FGD5: variants seen among roughly 807,000 people sequenced by gnomAD.
FGD5 encodes the protein FYVE, RhoGEF and PH domain-containing protein 5.
In FGD5, 28 loss-of-function variants were observed where a neutral mutation model predicts 133.4. The ratio of observed to expected loss-of-function variants is 0.21; its 90% CI spans 0.16 to 0.29. The LOEUF (loss-of-function observed/expected upper bound fraction) is 0.29, where lower values mean the gene tolerates loss of function less well. Among genes scored for constraint, FGD5 ranks in the 10% least tolerant of loss-of-function variants. The pLI is 1.00. For missense variants in FGD5, 1,858 were observed against 1,895.2 expected (o/e 0.98, Z 0.36); for synonymous variants, 810 against 776.5 (o/e 1.04, Z -0.72).
intron 1 of FGD5, among the ~76,000 whole-genome samples, chr3:14,862,815 A>T (rs1026233583): frequency 2.6e-5 from 4 of 151,986 alleles, no homozygotes; most frequent in African/African-American, 9.7e-5. Context: ...GCCCAGGCAG[A>T]GACAGGCCAC....
intron 1 of FGD5, among the ~76,000 whole-genome samples, chr3:14,841,581 A>G (rs1023782486): frequency 1.4e-5 from 2 of 143,602 alleles, no homozygotes; most frequent in African/African-American, 2.6e-5. Flanking sequence ...TTTTTTAAGG[A>G]TAAGATTTCA....
intron 1 of FGD5, among the ~76,000 whole-genome samples, chr3:14,844,218 ATAT>A (rs1326124455): frequency 2.0e-3 from 43 of 21,640 alleles, no homozygotes; most frequent in African/African-American, 3.6e-3. Flanking sequence ...AAAAAAAAAA[ATAT>A]ATATATATAT....
rs1575187102 is a variant in FGD5, at chr3:14,821,376, G to A, written c.2305G>A (p.Ala769Thr). ...GCCACGGTCCATCTCCTTCCCCAGCGCTGACACTTCAGACTATGAGAACAT... is the reference window on the plus strand; with the variant it reads ...GCCACGGTCCATCTCCTTCCCCAGCACTGACACTTCAGACTATGAGAACAT... ...TKPRSISFPS[A>T]DTSDYENIPA... The change falls in exon 1 of 20, where the codon GCT becomes ACT. Residue 769 changes from alanine (A) to threonine (T), a missense_variant. Transcript: ENST00000285046. 3.1e-6 allele frequency: 5 copies of A among 1,613,922 alleles called. No homozygotes were observed. The Admixed American group carries it at 5.0e-5, about 16-fold the overall frequency.
chr3:14,871,004 C>T (rs1011558903), intron 2 of FGD5, among the ~76,000 whole-genome samples: 1 of 152,222 alleles, frequency 6.6e-6, no homozygotes, highest in Non-Finnish European at 1.5e-5. Context: ...CTGTCTGCTC[C>T]TTAAACCCAC....
At chr3:14,822,665 T>A (rs1466514384) in intron 1 of FGD5, among the ~76,000 whole-genome samples, 1 of 152,166 alleles carries the variant, frequency 6.6e-6, no homozygotes, top group African/African-American at 2.4e-5. Context: ...TGGACACAAC[T>A]TAAAGGTGAT....
At chr3:14,817,777 A>G (rs1015569675), upstream of FGD5, among the ~76,000 whole-genome samples, 1 of 152,198 alleles carries the variant, frequency 6.6e-6, no homozygotes, top group Non-Finnish European at 1.5e-5. Flanking sequence ...AGATTAGACC[A>G]GGCTGAAGGA....
At chr3:14,851,740 C>T (rs967555352) in intron 1 of FGD5, among the ~76,000 whole-genome samples, 8 of 152,110 alleles carry the variant, frequency 5.3e-5, no homozygotes, top group Admixed American at 4.6e-4. Context: ...CACTAGACTT[C>T]TGAGCCTCAC....
At chr3:14,887,333 G>C (rs1274313314) in intron 4 of FGD5, among the ~76,000 whole-genome samples, 1 of 152,084 alleles carries the variant, frequency 6.6e-6, no homozygotes, top group African/African-American at 2.4e-5. Context: ...CAGTGAATGA[G>C]TGATGGTGGA....
intron 1 of FGD5, among the ~76,000 whole-genome samples, chr3:14,851,692 C>T (rs770661552): frequency 2.2e-4 from 33 of 152,158 alleles, no homozygotes; most frequent in Non-Finnish European, 3.8e-4. Context: ...TATGAGGTTC[C>T]TGAAGATCTT....
chr3:14,810,800 G>A (rs2036280161), upstream of FGD5: 1 of 984,182 alleles, frequency 1.0e-6, no homozygotes, highest in African/African-American at 1.8e-5. Context: ...GTCGCACTGG[G>A]ACCCGCGGAC....
chr3:14,839,446 T>C (rs2125083901), intron 1 of FGD5, among the ~76,000 whole-genome samples: 1 of 152,252 alleles, frequency 6.6e-6, no homozygotes, highest in Middle Eastern at 3.4e-3. Flanking sequence ...CCCCTCCCCC[T>C]TTGGAATGAC....
intron 17 of FGD5, among the ~76,000 whole-genome samples, chr3:14,925,580 C>G (rs969226646): frequency 6.6e-6 from 1 of 152,164 alleles, no homozygotes; most frequent in African/African-American, 2.4e-5. Flanking sequence ...CAGAATACTA[C>G]TACCCCCCGC....
chr3:14,896,482 T>A (rs1035218412), intron 4 of FGD5, among the ~76,000 whole-genome samples: 5 of 151,974 alleles, frequency 3.3e-5, no homozygotes, highest in Non-Finnish European at 5.9e-5. Context: ...TTTTTTTTTT[T>A]TTTTTGAGAC....
chr3:14,893,747 TTTTTC>T (rs1198936246), intron 4 of FGD5, among the ~76,000 whole-genome samples: 291 of 100,658 alleles, frequency 2.9e-3, no homozygotes, highest in African/African-American at 9.0e-3. Flanking sequence ...TTTCTTTTCT[TTTTTC>T]TTTTTTTTTT....
intron 18 of FGD5, among the ~76,000 whole-genome samples, chr3:14,927,660 T>TCATGTACCCTGAGGTGGCC (rs1194222442): frequency 3.3e-5 from 5 of 152,276 alleles, no homozygotes; most frequent in African/African-American, 1.2e-4. Context: ...TGCACCCCTA[T>TCATGTACCCTGAGGTGGCC]CATGTACCCT....
Position 14,886,413 on chromosome 3 carries a change from CA to C in FGD5, c.2748+5642del, listed in dbSNP as rs2037924766. 2.0e-5 allele frequency among the ~76,000 whole-genome samples: 3 copies of C among 152,330 alleles called. No individual in the cohort carries two copies. The South Asian group carries it at 6.2e-4, about 32-fold the overall frequency. ...AGCACGCACCCCGGGAAGCTCTTCC[CA>C]TGGCGATGGCAGGAGAAACAGCAGA... is the stretch of plus-strand genomic sequence containing the variant. On this transcript the variant is annotated intron_variant, in intron 4 of 19. Coordinates refer to ENST00000285046, the MANE Select transcript of FGD5 (RefSeq NM_152536.4).
intron 1 of FGD5, among the ~76,000 whole-genome samples, chr3:14,853,828 CG>C (rs1204565573): frequency 2.2e-5 from 3 of 134,378 alleles, no homozygotes; most frequent in African/African-American, 5.6e-5. Flanking sequence ...TCTAGGCTGC[CG>C]AAAAGGACTA....
intron 9 of FGD5, among the ~76,000 whole-genome samples, chr3:14,906,494 A>G (rs985604194): frequency 6.6e-6 from 1 of 152,214 alleles, no homozygotes; most frequent in African/African-American, 2.4e-5. Flanking sequence ...TCCTCCTGGA[A>G]CTGAAGCCTT....
intron 1 of FGD5, among the ~76,000 whole-genome samples, chr3:14,834,844 T>G (rs1003218326): frequency 6.6e-6 from 1 of 152,180 alleles, no homozygotes; most frequent in African/African-American, 2.4e-5. Flanking sequence ...TTGCCTTCTA[T>G]TTTACAAGAA....
Sources: allele counts gnomAD v4.1 joint callset (sites outside exome capture counted in the v4.1 genomes callset), GRCh38; gene constraint gnomAD v4.1.1; transcripts MANE v1.5; gene names NCBI Gene and HGNC (gene_info 2026-07-23, HGNC 2026-07-21).